Variants in FGGY observed in about 807,000 individuals in gnomAD.
FGGY encodes the protein FGGY carbohydrate kinase domain containing, also known as FGGY carbohydrate kinase domain-containing protein.
Under a neutral mutation model 71.3 loss-of-function variants are expected in FGGY, and 72 were observed. The ratio of observed to expected loss-of-function variants is 1.01; its 90% CI spans 0.84 to 1.23. FGGY has a LOEUF of 1.23. Among genes scored for constraint, FGGY ranks in the 50% most tolerant of loss-of-function variants. The pLI, the probability that FGGY is intolerant of heterozygous loss-of-function variation, is 0.00. For synonymous variants in FGGY, 251 were observed against 250.3 expected, an observed-to-expected ratio of 1.00 and a Z score of -0.02; for missense variants, 668 against 682.3, an observed-to-expected ratio of 0.98 and a Z score of 0.23.
intron 5 of FGGY, among the ~76,000 whole-genome samples, chr1:59,412,916 A>G (rs2063813144): frequency 6.6e-6 from 1 of 152,198 alleles, no homozygotes; most frequent in Admixed American, 6.5e-5. Flanking sequence ...GCAAGAAGAA[A>G]TGGGCTGAGA....
chr1:59,721,333 CTTTG>C (rs779654339), intron 14 of FGGY, among the ~76,000 whole-genome samples: 1 of 68,628 alleles, frequency 1.5e-5, no homozygotes, highest in East Asian at 5.3e-4. Flanking sequence ...CTTTTCTTTC[CTTTG>C]TTTTTTTTTT....
intron 11 of FGGY, 29 bp downstream of exon 11, chr1:59,638,404 G>C (rs1378529617): frequency 6.2e-7 from 1 of 1,612,166 alleles, no homozygotes; most frequent in Non-Finnish European, 8.5e-7. Flanking sequence ...TTGCACATGG[G>C]TGAAGGCAGG....
rs555425930 is a variant in FGGY, at chr1:59,730,847, A to G, written c.1513-27084A>G. ...TGTATAGTGGAGAGGGACCCAGCCA[A>G]GGAGACAGCACAGACCTGTCAAAGT... is the stretch of plus-strand genomic sequence containing the variant. On this transcript the variant is annotated intron_variant, in intron 14 of 15. Transcript: ENST00000303721. Among the ~76,000 whole-genome samples the G allele has an allele frequency of 6.8e-4, 103 of 152,350 alleles. 1 individual carries two copies. The highest frequency in any genetic ancestry group is 2.2e-3 in the African/African-American group (93 of 41,582).
chr1:59,664,629 T>C lies in FGGY; in HGVS notation c.1297-2654T>C, dbSNP rs560883466. 3.5e-4 allele frequency among the ~76,000 whole-genome samples: 53 copies of C among 152,364 alleles called. 1 individual carries two copies. The highest frequency in any genetic ancestry group is 5.2e-4 in the Admixed American group (8 of 15,302). Reference sequence around the variant, plus strand: ...CAGACTGTATTGCTTAGTCAAATTATATATCTCCTAAGTGGAGAAAACAAT... The same window carrying C: ...CAGACTGTATTGCTTAGTCAAATTACATATCTCCTAAGTGGAGAAAACAAT... On this transcript the variant is annotated intron_variant, in intron 12 of 15. Transcript: ENST00000303721.
chr1:59,302,017 G>A (rs1345552036), intron 1 of FGGY, among the ~76,000 whole-genome samples: 2 of 151,572 alleles, frequency 1.3e-5, no homozygotes, highest in Non-Finnish European at 2.9e-5. Context: ...GATTACAGGC[G>A]TGAGCCACTG....
At chr1:59,504,835 T>C (rs564481700) in intron 6 of FGGY, among the ~76,000 whole-genome samples, 1 of 152,326 alleles carries the variant, frequency 6.6e-6, no homozygotes, top group East Asian at 1.9e-4. Flanking sequence ...TGTTTAATGT[T>C]TTTGTCTAAA....
intron 4 of FGGY, among the ~76,000 whole-genome samples, chr1:59,368,537 G>A (rs1478009230): frequency 6.6e-6 from 1 of 152,214 alleles, no homozygotes; most frequent in African/African-American, 2.4e-5. Flanking sequence ...TCACTCTGTA[G>A]ATTAAATGAG....
intron 7 of FGGY, among the ~76,000 whole-genome samples, chr1:59,520,256 G>A (rs752614947): frequency 2.0e-5 from 3 of 152,208 alleles, no homozygotes; most frequent in Non-Finnish European, 4.4e-5. Context: ...TGTGTTTTGT[G>A]AAATTGACTC....
chr1:59,518,929 A>G (rs1301149429), intron 7 of FGGY, among the ~76,000 whole-genome samples: 2 of 152,248 alleles, frequency 1.3e-5, no homozygotes, highest in South Asian at 2.1e-4. Flanking sequence ...TGCTCCTTAT[A>G]GCAACTTTGT....
At chr1:59,684,178 C>T (rs927924893) in intron 14 of FGGY, among the ~76,000 whole-genome samples, 5 of 152,128 alleles carry the variant, frequency 3.3e-5, no homozygotes, top group African/African-American at 7.2e-5. Context: ...CTACTGGTGG[C>T]GGGAGGTTGG....
At chr1:59,337,730 T>A (rs1218130334) in intron 2 of FGGY, among the ~76,000 whole-genome samples, 11 of 152,214 alleles carry the variant, frequency 7.2e-5, no homozygotes, top group Admixed American at 7.2e-4. Context: ...TTACTAAAAT[T>A]GCTTATTAGT....
chr1:59,471,165 T>G (rs1267613756), intron 6 of FGGY, among the ~76,000 whole-genome samples: 1 of 151,976 alleles, frequency 6.6e-6, no homozygotes, highest in Non-Finnish European at 1.5e-5. Flanking sequence ...CTGGGGGCTG[T>G]TTCCCCAATG....
At chr1:59,416,744 T>C (rs2064502065) in intron 5 of FGGY, among the ~76,000 whole-genome samples, 2 of 152,208 alleles carry the variant, frequency 1.3e-5, no homozygotes, top group African/African-American at 4.8e-5. Context: ...GATGAGATTT[T>C]TTGTTTTGTT....
chr1:59,698,827 G>A (rs1200479566), intron 14 of FGGY: 19 of 985,242 alleles, frequency 1.9e-5, no homozygotes, highest in Non-Finnish European at 2.3e-5. Context: ...TAATATGTGT[G>A]TGCCCACAGC....
intron 7 of FGGY, among the ~76,000 whole-genome samples, chr1:59,529,329 A>G (rs780924631): frequency 3.9e-5 from 6 of 152,228 alleles, no homozygotes; most frequent in African/African-American, 1.2e-4. Flanking sequence ...GAGAGTCTAC[A>G]TGTATAATCT....
intron 6 of FGGY, among the ~76,000 whole-genome samples, chr1:59,472,511 C>T (rs544775728): frequency 4.6e-5 from 7 of 152,374 alleles, no homozygotes; most frequent in South Asian, 4.1e-4. Context: ...CCTGCAGCCC[C>T]GGTGCGGGAT....
At chr1:59,499,360 G>A (rs2094152741) in intron 6 of FGGY, among the ~76,000 whole-genome samples, 1 of 142,906 alleles carries the variant, frequency 7.0e-6, no homozygotes, top group African/African-American at 2.7e-5. Flanking sequence ...CAGGGAGGTA[G>A]TGCCTACAGC....
chr1:59,611,877 T>A (rs1175929584), intron 9 of FGGY, among the ~76,000 whole-genome samples: 1 of 152,074 alleles, frequency 6.6e-6, no homozygotes, highest in Non-Finnish European at 1.5e-5. Context: ...GCCGATTTGA[T>A]CAACTGGAAG....
intron 6 of FGGY, among the ~76,000 whole-genome samples, chr1:59,469,670 T>C (rs921216928): frequency 6.6e-5 from 10 of 152,178 alleles, no homozygotes; most frequent in Non-Finnish European, 1.5e-5. Flanking sequence ...TGGGGGTTTG[T>C]TTTACATATT....
Sources: allele counts gnomAD v4.1 joint callset (sites outside exome capture counted in the v4.1 genomes callset), GRCh38; gene constraint gnomAD v4.1.1; transcripts MANE v1.5; gene names NCBI Gene and HGNC (gene_info 2026-07-23, HGNC 2026-07-21).